HIPK4: variants seen among roughly 807,000 people sequenced by gnomAD.
HIPK4 encodes homeodomain-interacting protein kinase 4.
In HIPK4, 26 loss-of-function variants were observed where a neutral mutation model predicts 44.8. The ratio of observed to expected loss-of-function variants is 0.58; its 90% CI spans 0.43 to 0.80. The LOEUF (loss-of-function observed/expected upper bound fraction) is 0.80, where lower values mean the gene tolerates loss of function less well. Among genes scored for constraint, HIPK4 ranks in the 30% least tolerant of loss-of-function variants. The pLI is 0.00. For missense variants in HIPK4, 729 were observed against 862.6 expected, an observed-to-expected ratio of 0.85 and a Z score of 1.94; for synonymous variants, 340 against 355.5, an observed-to-expected ratio of 0.96 and a Z score of 0.49.
chr19:40,389,460 G>A lies in HIPK4; in HGVS notation c.443C>T (p.Thr148Ile), dbSNP rs769896103. The A allele has an allele frequency of 1.9e-6, 3 of 1,593,096 alleles. No individual in the cohort carries two copies. The highest frequency in any genetic ancestry group is 2.6e-6 in the Non-Finnish European group (3 of 1,166,730). Reference protein sequence around the residue: ...KPENIMLVDQTRCPFRVKVID... With the variant: ...KPENIMLVDQIRCPFRVKVID... Reference sequence around the variant, plus strand: ...CACCTTGACCCTGAAGGGGCAGCGGGTCTGGTCCACCAGCATGATGTTCTC... The same window carrying A: ...CACCTTGACCCTGAAGGGGCAGCGGATCTGGTCCACCAGCATGATGTTCTC... The change falls in exon 1 of 4, where the codon ACC (threonine) becomes ATC (isoleucine). Residue 148 changes from threonine (T) to isoleucine (I), a missense_variant. Physicochemically the swap from Thr to Ile is moderately conservative, Grantham distance 89 (BLOSUM62 -1). Around this residue, in one of 2 missense-constraint regions of HIPK4, gnomAD observed 196 missense variants for 295.1 expected, o/e 0.66. Transcript: ENST00000291823. The surrounding 1 kb of genome is among the most constrained non-coding windows in gnomAD (Gnocchi z 4.6).
In HIPK4 at chr19:40,383,988, G is replaced by A. The variant is rs780579566; in HGVS notation, c.617C>T (p.Ala206Val). The change falls in exon 2 of 4, where the codon GCT becomes GTT. Residue 206 changes from alanine to valine, a missense_variant. By Grantham distance (64) the Ala-to-Val change is moderately conservative. Around this residue, in one of 2 missense-constraint regions of HIPK4, gnomAD observed 196 missense variants for 295.1 expected, o/e 0.66. Transcript: ENST00000291823. Reference protein sequence around the residue: ...VDVWSLGCVMAELHLGWPLYP... With the variant: ...VDVWSLGCVMVELHLGWPLYP... Reference sequence around the variant, plus strand: ...GAGAGGCCAGCCCAGGTGCAGCTCAGCCATGACGCAGCCCAGGGACCACAC... The same window carrying A: ...GAGAGGCCAGCCCAGGTGCAGCTCAACCATGACGCAGCCCAGGGACCACAC... 6.2e-7 allele frequency: 1 copy of A among 1,614,178 alleles called. No homozygotes were observed. The highest frequency in any genetic ancestry group is 1.3e-5 in the African/African-American group (1 of 75,070).
chr19:40,380,408 T>C lies in HIPK4; in HGVS notation c.1583A>G (p.His528Arg), dbSNP rs145675612. The change falls in exon 3 of 4, where the codon CAT becomes CGT. Residue 528 changes from histidine (H) to arginine (R), a missense_variant. Transcript: ENST00000291823. This position sits in a 1 kb window ranked among gnomAD's most constrained non-coding sequence, Gnocchi z 4.2. Reference protein sequence around the residue: ...CRGSSWEEGEHLGASAEPLAI... With the variant: ...CRGSSWEEGERLGASAEPLAI... ...CAGTGGCTCAGCAGAGGCCCCGAGA[T>C]GCTCTCCTTCCTCCCAGCTGCTGCC... 5.6e-6 allele frequency: 9 copies of C among 1,614,068 alleles called. No individual in the cohort carries two copies. In the African/African-American group the frequency reaches 8.0e-5, roughly 14 times the overall value.
At chr19:40,386,810 C>T (rs1425514614) in intron 1 of HIPK4, among the ~76,000 whole-genome samples, 1 of 152,132 alleles carries the variant, frequency 6.6e-6, no homozygotes, top group Non-Finnish European at 1.5e-5. Context: ...TATGTATGGG[C>T]TTTGAGTTCC....
chr19:40,383,831 G>T lies in HIPK4; in HGVS notation c.774C>A (p.Ala258=), dbSNP rs2079349283. 6.2e-7 allele frequency: 1 copy of T among 1,613,820 alleles called. No individual in the cohort carries two copies. Among genetic ancestry groups the T allele is most frequent in the Non-Finnish European group, 8.5e-7 (1 of 1,179,860 alleles). ...FFKRNPHPDA[A]NPWQLKSSAD... The stretch of plus-strand genomic sequence containing the variant: ...CCGAGGACTTGAGCTGCCAGGGGTT[G>T]GCAGCGTCAGGGTGGGGGTTGCGCT... The change falls in exon 2 of 4, where the codon GCC becomes GCA. Residue 258 remains alanine, a synonymous_variant. Coordinates refer to ENST00000291823, the MANE Select transcript of HIPK4 (RefSeq NM_144685.5).
intron 2 of HIPK4, among the ~76,000 whole-genome samples, chr19:40,382,759 T>G (rs529713435): frequency 6.6e-6 from 1 of 152,066 alleles, no homozygotes; most frequent in South Asian, 2.1e-4. Flanking sequence ...TAAAAAAATA[T>G]TTTTTTGGCC....
chr19:40,384,145 G>A lies in HIPK4; in HGVS notation c.466-6C>T, dbSNP rs56003460. On this transcript the variant is annotated splice_polypyrimidine_tract_variant and splice_region_variant and intron_variant, in intron 1 of 3. Transcript: ENST00000291823. Reference sequence around the variant, plus strand: ...GCGGATCCGAAGTCAATCACCTGTCGGGGGTGGGGAAGAGGGCGAGTGGGC... The same window carrying A: ...GCGGATCCGAAGTCAATCACCTGTCAGGGGTGGGGAAGAGGGCGAGTGGGC... The A allele has an allele frequency of 0.011, 17,900 of 1,564,032 alleles. 1,258 individuals are homozygous for A. In the Admixed American group the frequency reaches 0.19, roughly 16 times the overall value.
At position 40,383,807 on chromosome 19, in the gene HIPK4, C is replaced by T. The variant is rs772748974; in HGVS notation, c.798G>A (p.Ser266=). 3.1e-6 allele frequency: 5 copies of T among 1,612,164 alleles called. No individual in the cohort carries two copies. The highest frequency in any genetic ancestry group is 4.5e-5 in the East Asian group (2 of 44,826). The change falls in exon 2 of 4, where the codon TCG becomes TCA. Residue 266 remains serine (S), a synonymous_variant. Transcript: ENST00000291823. ...DAANPWQLKS[S]ADYLAETKVR... is the part of the protein sequence containing the mutation. Reference sequence around the variant, plus strand: ...CCTTCGTCTCGGCCAGGTAGTCAGCCGAGGACTTGAGCTGCCAGGGGTTGG... The same window carrying T: ...CCTTCGTCTCGGCCAGGTAGTCAGCTGAGGACTTGAGCTGCCAGGGGTTGG...
In HIPK4 at chr19:40,387,455, C is replaced by T. The variant is rs146526365; in HGVS notation, c.465+1983G>A. Reference sequence around the variant, plus strand: ...GTCTGCCATTTTCACCCTGAATCTCCGTGACTCTCTCTTGGCCTGTTTCTT... The same window carrying T: ...GTCTGCCATTTTCACCCTGAATCTCTGTGACTCTCTCTTGGCCTGTTTCTT... On this transcript the variant is annotated intron_variant, in intron 1 of 3. Transcript: ENST00000291823. Among the ~76,000 whole-genome samples, 492 of 152,172 alleles carry T rather than the reference C, an allele frequency of 3.2e-3. 2 individuals are homozygous for T. The highest frequency in any genetic ancestry group is 0.011 in the African/African-American group (463 of 41,550).
intron 1 of HIPK4, 24 bp from the exon 2 acceptor site, chr19:40,384,163 G>A (rs540218199): frequency 3.8e-5 from 59 of 1,542,472 alleles, no homozygotes; most frequent in Non-Finnish European, 4.3e-5. Flanking sequence ...GGAAGAGGGC[G>A]AGTGGGCAGG....
In HIPK4 at chr19:40,389,967, C is replaced by T; in HGVS notation, c.-65G>A. The T allele has an allele frequency of 7.7e-7, 1 of 1,297,952 alleles. No individual in the cohort carries two copies. The highest frequency in any genetic ancestry group is 1.1e-6 in the Non-Finnish European group (1 of 936,746). The allele number at this position is 1,297,952 out of a possible 1,614,324, so 80.4% of individuals were successfully genotyped here. On this transcript the variant is annotated 5_prime_UTR_variant, in exon 1 of 4. Coordinates refer to ENST00000291823, the MANE Select transcript of HIPK4 (RefSeq NM_144685.5). The surrounding 1 kb of genome is among the most constrained non-coding windows in gnomAD (Gnocchi z 4.6). Reference sequence around the variant, plus strand: ...GTACCACTGGCTCTGCCGCCCAGGCCTCCCGCCTGGCTGCTGACACAGCAG... The same window carrying T: ...GTACCACTGGCTCTGCCGCCCAGGCTTCCCGCCTGGCTGCTGACACAGCAG...
chr19:40,384,025 C>T lies in HIPK4; in HGVS notation c.580G>A (p.Glu194Lys). The T allele has an allele frequency of 1.1e-5, 18 of 1,614,056 alleles. No individual in the cohort carries two copies. Among genetic ancestry groups the T allele is most frequent in the Non-Finnish European group, 1.4e-5 (17 of 1,179,934 alleles). The change falls in exon 2 of 4, where the codon GAG becomes AAG. Residue 194 changes from glutamate (E) to lysine (K), a missense_variant. Around this residue, in one of 2 missense-constraint regions of HIPK4, gnomAD observed 196 missense variants for 295.1 expected, o/e 0.66. Coordinates refer to ENST00000291823, the MANE Select transcript of HIPK4 (RefSeq NM_144685.5). ...PEILLGLPFC[E>K]KVDVWSLGCV... is the part of the protein sequence containing the mutation. ...CCCAGGGACCACACGTCCACCTTCT[C>T]GCAGAAGGGCAGCCCCAGCAGGATC...
intron 1 of HIPK4, among the ~76,000 whole-genome samples, chr19:40,387,667 C>G (rs541284512): frequency 2.6e-5 from 4 of 152,000 alleles, no homozygotes; most frequent in African/African-American, 9.7e-5. Context: ...TTAATAGAGA[C>G]AGGATTTCAC....
Position 40,389,997 on chromosome 19 carries a change from C to A in HIPK4, c.-95G>T. Reference sequence around the variant, plus strand: ...GCCTGGCTGCTGACACAGCAGGCCCCCCAGTGGGGGAAAGAGAACCGCACT... The same window carrying A: ...GCCTGGCTGCTGACACAGCAGGCCCACCAGTGGGGGAAAGAGAACCGCACT... On this transcript the variant is annotated 5_prime_UTR_variant, in exon 1 of 4. Transcript: ENST00000291823. The surrounding 1 kb of genome is among the most constrained non-coding windows in gnomAD (Gnocchi z 4.6). 2.1e-6 allele frequency: 2 copies of A among 937,438 alleles called. No individual in the cohort carries two copies. The highest frequency in any genetic ancestry group is 3.2e-6 in the Non-Finnish European group (2 of 628,960). 58.1% of individuals were successfully genotyped at this position (937,438 alleles called of 1,614,324 possible).
At chr19:40,385,109 C>G (rs529512948) in intron 1 of HIPK4, among the ~76,000 whole-genome samples, 1 of 152,300 alleles carries the variant, frequency 6.6e-6, no homozygotes, top group South Asian at 2.1e-4. Context: ...ATCCACAGCC[C>G]CGACCCTGGT....
chr19:40,385,962 C>G (rs140059770), intron 1 of HIPK4, among the ~76,000 whole-genome samples: 2,785 of 152,092 alleles, frequency 0.018, 93 homozygotes, highest in African/African-American at 0.064. Flanking sequence ...CTCGCCTCGG[C>G]CTCCCAAAGT....
intron 2 of HIPK4, among the ~76,000 whole-genome samples, chr19:40,381,951 G>A (rs1005068411): frequency 6.6e-6 from 1 of 151,830 alleles, no homozygotes; most frequent in Non-Finnish European, 1.5e-5. Flanking sequence ...AATTACAGGT[G>A]TCCACCACCA....
chr19:40,385,221 G>A (rs2079357555), intron 1 of HIPK4, among the ~76,000 whole-genome samples: 1 of 152,142 alleles, frequency 6.6e-6, no homozygotes, highest in Non-Finnish European at 1.5e-5. Flanking sequence ...CAAGCATCCA[G>A]AGGGATCCTG....
Position 40,390,125 on chromosome 19 carries a change from C to T in HIPK4, c.-223G>A. On this transcript the variant is annotated 5_prime_UTR_variant, in exon 1 of 4. Coordinates refer to ENST00000291823, the MANE Select transcript of HIPK4 (RefSeq NM_144685.5). ...GGCTGCACCCCTCCCCAGAAACCCTCCTGGCTTGGGATGAGGGGCCCCAGG... is the reference window on the plus strand; with the variant it reads ...GGCTGCACCCCTCCCCAGAAACCCTTCTGGCTTGGGATGAGGGGCCCCAGG... 3.5e-6 allele frequency: 2 copies of T among 572,972 alleles called. No homozygotes were observed. The highest frequency in any genetic ancestry group is 4.3e-5 in the South Asian group (2 of 46,730). 35.5% of individuals were successfully genotyped at this position (572,972 alleles called of 1,614,324 possible). A position where few individuals can be genotyped will look rare whatever the true frequency, so the allele number is the denominator to read the frequency against.
At chr19:40,384,382 C>A (rs1022245469) in intron 1 of HIPK4, among the ~76,000 whole-genome samples, 1 of 152,156 alleles carries the variant, frequency 6.6e-6, no homozygotes, top group Non-Finnish European at 1.5e-5. Context: ...CAGCACACTG[C>A]AACCTCCACC....
Sources: gnomAD v4.1 joint callset for allele counts (sites outside exome capture counted in the v4.1 genomes callset) on GRCh38, gnomAD v4.1.1 for gene constraint, gnomAD v4.1.1 regional missense constraint, Gnocchi (gnomAD v3.1) non-coding constraint, MANE v1.5 for transcripts, NCBI Gene and HGNC (gene_info 2026-07-23, HGNC 2026-07-21) for gene names.